FRYL: variants seen among roughly 807,000 people sequenced by gnomAD.
The protein encoded by FRYL is FRY like transcription coactivator, also known as protein furry homolog-like.
In FRYL, 150 loss-of-function variants were observed where a neutral mutation model predicts 351.2. That is an observed-to-expected ratio of 0.43 (90% CI 0.37 to 0.49). The LOEUF (loss-of-function observed/expected upper bound fraction) is 0.49. Among genes scored for constraint, FRYL ranks in the 20% least tolerant of loss-of-function variants. FRYL has a pLI of 0.00. For missense variants in FRYL, 3,036 were observed against 3,619.3 expected (o/e 0.84, Z 4.13); for synonymous variants, 1,153 against 1,257.1 (o/e 0.92, Z 1.75).
chr4:48,719,906 C>CT (rs1432727224), intron 1 of FRYL, among the ~76,000 whole-genome samples: 1 of 151,434 alleles, frequency 6.6e-6, no homozygotes, highest in African/African-American at 2.4e-5. Flanking sequence ...AATCCCAGCA[C>CT]TTTGGGAGGC....
At chr4:48,575,784 G>A (rs945966568) in intron 24 of FRYL, among the ~76,000 whole-genome samples, 4 of 152,188 alleles carry the variant, frequency 2.6e-5, no homozygotes, top group African/African-American at 9.7e-5. Context: ...CTTTAAAAAT[G>A]TTGAGTATGA....
At chr4:48,533,376 G>A (rs138333402) in intron 49 of FRYL, among the ~76,000 whole-genome samples, 40 of 152,050 alleles carry the variant, frequency 2.6e-4, no homozygotes, top group African/African-American at 9.6e-4. Context: ...AAGATAAATA[G>A]GGCCACCAGA....
intron 1 of FRYL, among the ~76,000 whole-genome samples, chr4:48,732,918 G>C: frequency 9.2e-6 from 1 of 108,246 alleles, no homozygotes; most frequent in East Asian, 2.6e-4. Flanking sequence ...AGAATTTGAA[G>C]TATAACAATA....
chr4:48,519,554 C>T (rs1724433218), intron 55 of FRYL, among the ~76,000 whole-genome samples: 6 of 149,904 alleles, frequency 4.0e-5, no homozygotes, highest in Admixed American at 3.3e-4. Context: ...CCAGGTTGGA[C>T]TGCAGTGGCG....
Position 48,549,731 on chromosome 4 carries a change from A to C in FRYL, c.4634-108T>G. ...ATATAGTATTGGAAAGTGATAAAAA[A>C]AATTTCCCACTATTTCAACATGTTT... On this transcript the variant is annotated intron_variant, in intron 38 of 63. Transcript: ENST00000358350. This position sits in a 1 kb window ranked among gnomAD's most constrained non-coding sequence, Gnocchi z 4.2. The C allele has an allele frequency of 1.1e-6, 1 of 900,422 alleles. No individual in the cohort carries two copies. The highest frequency in any genetic ancestry group is 2.3e-5 in the South Asian group (1 of 42,990). 55.8% of individuals were successfully genotyped at this position (900,422 alleles called of 1,614,324 possible).
chr4:48,514,423 A>C (rs1444192029), intron 56 of FRYL, among the ~76,000 whole-genome samples: 1 of 152,168 alleles, frequency 6.6e-6, no homozygotes, highest in Non-Finnish European at 1.5e-5. Flanking sequence ...TAAAAGCTAT[A>C]TATAACATAT....
At chr4:48,539,562 C>T (rs750383645) in intron 47 of FRYL, among the ~76,000 whole-genome samples, 5 of 151,730 alleles carry the variant, frequency 3.3e-5, no homozygotes, top group African/African-American at 7.3e-5. Context: ...ATCAGACTCT[C>T]TGATTACTGT....
intron 3 of FRYL, among the ~76,000 whole-genome samples, chr4:48,647,457 T>A (rs1756745848): frequency 2.0e-5 from 3 of 152,232 alleles, no homozygotes; most frequent in Non-Finnish European, 4.4e-5. Context: ...TTTGACCATC[T>A]ATGTTGGATT....
intron 1 of FRYL, among the ~76,000 whole-genome samples, chr4:48,760,967 C>T (rs1774344306): frequency 2.0e-5 from 3 of 151,608 alleles, no homozygotes; most frequent in South Asian, 4.2e-4. Flanking sequence ...CATGAGCCAC[C>T]GCCCCCGGCC....
chr4:48,552,388 G>A (rs1306974752), intron 36 of FRYL, among the ~76,000 whole-genome samples: 1 of 151,712 alleles, frequency 6.6e-6, no homozygotes, highest in African/African-American at 2.4e-5. Flanking sequence ...CTGAAATCAT[G>A]GTACGACAAA....
Position 48,773,866 on chromosome 4 carries a change from CTG to C in FRYL, c.-384+6210_-384+6211del, listed in dbSNP as rs371049622. ...CAGCTGGTGGAGGCTACAGTGGAAA[CTG>C]TAGCTGTGACTGCACCACTGCACTC... is the stretch of plus-strand genomic sequence containing the variant. On this transcript the variant is annotated intron_variant, in intron 1 of 63. Transcript: ENST00000358350. 3.0e-3 allele frequency among the ~76,000 whole-genome samples: 455 copies of C among 152,254 alleles called. 5 individuals are homozygous for C. Among genetic ancestry groups the C allele is most frequent in the African/African-American group, 0.011 (447 of 41,552 alleles).
At chr4:48,690,754 C>G (rs12650202) in intron 2 of FRYL, among the ~76,000 whole-genome samples, 148,588 of 152,246 alleles carry the variant, frequency 0.98, 72,612 homozygotes, top group East Asian at 1. Flanking sequence ...TTTAATTATA[C>G]AATGGAACTT....
intron 1 of FRYL, among the ~76,000 whole-genome samples, chr4:48,733,366 T>C (rs1245661604): frequency 1.3e-5 from 2 of 150,070 alleles, no homozygotes; most frequent in Admixed American, 6.6e-5. Flanking sequence ...AAAAAAGAAA[T>C]AAAAACTTCC....
chr4:48,681,636 T>C (rs1307060364), intron 3 of FRYL, among the ~76,000 whole-genome samples: 1 of 152,130 alleles, frequency 6.6e-6, no homozygotes, highest in Admixed American at 6.6e-5. Context: ...AAGGAGTCAT[T>C]TAAAACTTTA....
chr4:48,608,029 C>T (rs75893849), intron 9 of FRYL, among the ~76,000 whole-genome samples: 2,977 of 152,064 alleles, frequency 0.02, 49 homozygotes, highest in Non-Finnish European at 0.03. Flanking sequence ...TAATTCCATG[C>T]GAGATATTAA....
chr4:48,726,830 T>A (rs1046035751), intron 1 of FRYL, among the ~76,000 whole-genome samples: 2 of 152,234 alleles, frequency 1.3e-5, no homozygotes, highest in African/African-American at 2.4e-5. Flanking sequence ...AAACTTGATA[T>A]GAGTGAGAAA....
chr4:48,522,456 A>G (rs560045499), intron 54 of FRYL, among the ~76,000 whole-genome samples: 2 of 151,756 alleles, frequency 1.3e-5, no homozygotes, highest in Non-Finnish European at 2.9e-5. Flanking sequence ...TTGCACCCGT[A>G]CTCTTCTGAA....
At chr4:48,525,918 GTA>G (rs1168197733) in intron 53 of FRYL, among the ~76,000 whole-genome samples, 2 of 151,636 alleles carry the variant, frequency 1.3e-5, no homozygotes, top group East Asian at 1.9e-4. Flanking sequence ...TGTATGAGCT[GTA>G]TATGAGTAGT....
At chr4:48,552,982 G>A (rs985522026) in intron 36 of FRYL, among the ~76,000 whole-genome samples, 26 of 151,938 alleles carry the variant, frequency 1.7e-4, no homozygotes, top group Non-Finnish European at 2.9e-4. Flanking sequence ...ATACATATAG[G>A]TGTGTATATA....
Sources: gnomAD v4.1 joint callset for allele counts (sites outside exome capture counted in the v4.1 genomes callset) on GRCh38, gnomAD v4.1.1 for gene constraint, Gnocchi (gnomAD v3.1) non-coding constraint, MANE v1.5 for transcripts, NCBI Gene and HGNC (gene_info 2026-07-23, HGNC 2026-07-21) for gene names.